NR6A1: variants seen among roughly 807,000 people sequenced by gnomAD.
The protein encoded by NR6A1 is retinoic acid receptor-related testis-associated receptor.
Under a neutral mutation model 59.1 loss-of-function variants are expected in NR6A1, and 7 were observed. The ratio of observed to expected loss-of-function variants is 0.12; its 90% CI spans 0.07 to 0.22. NR6A1 has a LOEUF of 0.22. NR6A1 is among the 10% of genes least tolerant of loss of function. The pLI, the probability that NR6A1 is intolerant of heterozygous loss-of-function variation, is 1.00. For missense variants in NR6A1, 468 were observed against 611.6 expected, an observed-to-expected ratio of 0.77 and a Z score of 2.48; for synonymous variants, 243 against 236.1, an observed-to-expected ratio of 1.03 and a Z score of -0.27.
chr9:124,564,681 CTGTGTGTGTGTG>C (rs56301413), intron 2 of NR6A1, among the ~76,000 whole-genome samples: 1 of 149,276 alleles, frequency 6.7e-6, no homozygotes, highest in Non-Finnish European at 1.5e-5. Context: ...AATCCACACT[CTGTGTGTGTGTG>C]TGTGTGTGTG....
chr9:124,717,986 A>G (rs1839450570), intron 2 of NR6A1, among the ~76,000 whole-genome samples: 1 of 152,274 alleles, frequency 6.6e-6, no homozygotes, highest in Non-Finnish European at 1.5e-5. Context: ...TCCACAAAAG[A>G]GAAACATGCA....
At chr9:124,699,850 G>A (rs970472744) in intron 2 of NR6A1, among the ~76,000 whole-genome samples, 1 of 152,076 alleles carries the variant, frequency 6.6e-6, no homozygotes. Flanking sequence ...TGGACATTTT[G>A]TTCTGGTTTT....
chr9:124,761,051 G>C (rs1840773454), intron 1 of NR6A1, among the ~76,000 whole-genome samples: 1 of 152,200 alleles, frequency 6.6e-6, no homozygotes, highest in Non-Finnish European at 1.5e-5. Flanking sequence ...TAGACTTCAA[G>C]GGTACAGAAA....
intron 2 of NR6A1, among the ~76,000 whole-genome samples, chr9:124,602,127 C>A (rs1835468291): frequency 6.6e-6 from 1 of 152,262 alleles, no homozygotes; most frequent in South Asian, 2.1e-4. Context: ...AAAAGGTGAG[C>A]TTTTCCTCCA....
intron 2 of NR6A1, among the ~76,000 whole-genome samples, chr9:124,723,569 C>T (rs1003003412): frequency 2.6e-5 from 4 of 152,186 alleles, no homozygotes; most frequent in African/African-American, 7.2e-5. Flanking sequence ...CTGCCAACAC[C>T]TTTGTGTCAT....
intron 1 of NR6A1, among the ~76,000 whole-genome samples, chr9:124,769,505 T>A (rs2131216684): frequency 6.6e-6 from 1 of 152,356 alleles, no homozygotes; most frequent in East Asian, 1.9e-4. Flanking sequence ...CAGGTTACTT[T>A]CCTCACACCT....
At chr9:124,743,251 T>G (rs539742615) in intron 1 of NR6A1, among the ~76,000 whole-genome samples, 2 of 152,354 alleles carry the variant, frequency 1.3e-5, no homozygotes, top group East Asian at 3.9e-4. Flanking sequence ...CTTGGGCCAT[T>G]AGCTTTTGTT....
rs187253703 is a variant in NR6A1 at position 124,521,771 on chromosome 9, C to G, written c.*934G>C. On this transcript the variant is annotated 3_prime_UTR_variant, in exon 10 of 10. Coordinates refer to ENST00000487099, the MANE Select transcript of NR6A1 (RefSeq NM_033334.4). ...CTTCAGAACATGGCATTCTGCTCAG[C>G]TGGTTTTTCAAAGGGCCAATAGGAA... 1.3e-5 allele frequency: 2 copies of G among 152,282 alleles called. No individual in the cohort carries two copies. The highest frequency in any genetic ancestry group is 2.9e-5 in the Non-Finnish European group (2 of 68,066). 9.4% of individuals were successfully genotyped at this position (152,282 alleles called of 1,614,324 possible). A position where few individuals can be genotyped will look rare whatever the true frequency, so the allele number is the denominator to read the frequency against.
chr9:124,575,484 G>A (rs1315664238), intron 2 of NR6A1, among the ~76,000 whole-genome samples: 1 of 152,068 alleles, frequency 6.6e-6, no homozygotes, highest in Non-Finnish European at 1.5e-5. Flanking sequence ...TGAGACAGGA[G>A]AATCGTTTGA....
At position 124,669,644 on chromosome 9, in the gene NR6A1, C is replaced by T. The variant is rs933104567; in HGVS notation, c.142+63664G>A. On this transcript the variant is annotated intron_variant, in intron 2 of 9. Coordinates refer to ENST00000487099, the MANE Select transcript of NR6A1 (RefSeq NM_033334.4). ...GAGGAAAAGAGGCAATACAATCCAA[C>T]GGGATAGATTCCATTAGCATGGCCT... Among the ~76,000 whole-genome samples, 10 of 152,198 alleles carry T rather than the reference C, an allele frequency of 6.6e-5. 1 individual carries two copies. The highest frequency in any genetic ancestry group is 1.9e-4 in the East Asian group (1 of 5,200).
In NR6A1 at chr9:124,665,008, TCCAAAA is replaced by T. The variant is rs1269421568; in HGVS notation, c.142+68294_142+68299del. On this transcript the variant is annotated intron_variant, in intron 2 of 9. Coordinates refer to ENST00000487099, the MANE Select transcript of NR6A1 (RefSeq NM_033334.4). ...GGCAATATAATAAGATCCTTGTATC[TCCAAAA>T]AAAAAAAAAAAAAAAAAAAAAAGGT... Among the ~76,000 whole-genome samples, 23 of 24,678 alleles carry T rather than the reference TCCAAAA, an allele frequency of 9.3e-4. 1 individual carries two copies. The highest frequency in any genetic ancestry group is 1.4e-3 in the Non-Finnish European group (17 of 12,090). The allele number at this position is 24,678 out of a possible 152,430, so 16.2% of individuals were successfully genotyped here.
chr9:124,679,313 A>G (rs1588774261), intron 2 of NR6A1, among the ~76,000 whole-genome samples: 1 of 152,288 alleles, frequency 6.6e-6, no homozygotes, highest in East Asian at 1.9e-4. Context: ...CATCTTATGG[A>G]TGCTTTGTTC....
intron 1 of NR6A1, among the ~76,000 whole-genome samples, chr9:124,752,447 G>A (rs980595273): frequency 1.3e-5 from 2 of 151,968 alleles, no homozygotes; most frequent in African/African-American, 4.8e-5. Context: ...GCTACCTATT[G>A]TTTCCAATAG....
intron 1 of NR6A1, among the ~76,000 whole-genome samples, chr9:124,758,872 T>C (rs1396087203): frequency 2.0e-5 from 3 of 152,222 alleles, no homozygotes; most frequent in Non-Finnish European, 1.5e-5. Context: ...CTTTTCTAAA[T>C]TGCAACTTCC....
At chr9:124,702,190 C>T (rs563972453) in intron 2 of NR6A1, among the ~76,000 whole-genome samples, 27 of 152,252 alleles carry the variant, frequency 1.8e-4, no homozygotes, top group African/African-American at 6.3e-4. Flanking sequence ...GAGGTCTTTG[C>T]CTAACCCAAG....
At chr9:124,702,941 C>G (rs1207174477) in intron 2 of NR6A1, among the ~76,000 whole-genome samples, 2 of 151,726 alleles carry the variant, frequency 1.3e-5, no homozygotes, top group Admixed American at 6.6e-5. Flanking sequence ...CACTCTGTCA[C>G]CCAGGCTGGA....
intron 2 of NR6A1, among the ~76,000 whole-genome samples, chr9:124,697,604 G>T (rs537047912): frequency 1.3e-5 from 2 of 149,672 alleles, no homozygotes; most frequent in South Asian, 4.2e-4. Flanking sequence ...TTACAAAACA[G>T]AAATTGTGAC....
At chr9:124,705,873 T>G (rs558086549) in intron 2 of NR6A1, among the ~76,000 whole-genome samples, 1 of 152,010 alleles carries the variant, frequency 6.6e-6, no homozygotes, top group South Asian at 2.1e-4. Context: ...CCTCCCAAGT[T>G]CAAGTGATTC....
chr9:124,543,699 C>A (rs112721382), intron 4 of NR6A1, 103 bp downstream of exon 4: 12 of 773,526 alleles, frequency 1.6e-5, no homozygotes, highest in African/African-American at 1.4e-4. Context: ...GCAAAGATGG[C>A]TCTCCTCAGC....
Sources: allele counts gnomAD v4.1 joint callset (sites outside exome capture counted in the v4.1 genomes callset), GRCh38; gene constraint gnomAD v4.1.1; transcripts MANE v1.5; gene names NCBI Gene and HGNC (gene_info 2026-07-23, HGNC 2026-07-21).